Variants in ADGRL3 observed in about 807,000 individuals in gnomAD.
ADGRL3 encodes calcium-independent alpha-latrotoxin receptor 3.
Under a neutral mutation model 153.5 loss-of-function variants are expected in ADGRL3, and 62 were observed. That is an observed-to-expected ratio of 0.40 (90% CI 0.33 to 0.50). ADGRL3 has a LOEUF of 0.50. Among genes scored for constraint, ADGRL3 ranks in the 20% least tolerant of loss-of-function variants. ADGRL3 has a pLI of 0.47. For synonymous variants in ADGRL3, 710 were observed against 672.5 expected, an observed-to-expected ratio of 1.06 and a Z score of -0.86; for missense variants, 1,641 against 1,859.4, an observed-to-expected ratio of 0.88 and a Z score of 2.16.
intron 1 of ADGRL3, among the ~76,000 whole-genome samples, chr4:61,325,243 C>T (rs546290678): frequency 5.0e-4 from 76 of 152,082 alleles, no homozygotes; most frequent in Non-Finnish European, 1.0e-3. Context: ...ACCAGGGAGT[C>T]GGAAGTTGCA....
At chr4:61,364,331 CAAA>C (rs33966342) in intron 1 of ADGRL3, among the ~76,000 whole-genome samples, 8 of 128,144 alleles carry the variant, frequency 6.2e-5, no homozygotes, top group East Asian at 4.5e-4. Flanking sequence ...GACTCCGTCT[CAAA>C]AAAAAAAAAA....
intron 4 of ADGRL3, among the ~76,000 whole-genome samples, chr4:61,555,906 G>A (rs747289917): frequency 6.6e-6 from 1 of 152,140 alleles, no homozygotes; most frequent in African/African-American, 2.4e-5. Context: ...GGTCACTCTT[G>A]TGGCTAGCTT....
At chr4:61,460,187 A>G (rs1560671958) in intron 2 of ADGRL3, among the ~76,000 whole-genome samples, 1 of 151,722 alleles carries the variant, frequency 6.6e-6, no homozygotes, top group East Asian at 1.9e-4. Flanking sequence ...CTATGTTTTC[A>G]TCTAGTAATT....
chr4:61,556,344 T>G (rs1560834760), intron 4 of ADGRL3, among the ~76,000 whole-genome samples: 2 of 151,340 alleles, frequency 1.3e-5, no homozygotes, highest in Non-Finnish European at 2.9e-5. Context: ...GAACAAGGAG[T>G]ACAAAAGGCT....
intron 11 of ADGRL3, 21 bp from the exon 12 acceptor site, chr4:61,909,539 T>C (rs760631857): frequency 3.8e-6 from 6 of 1,568,314 alleles, no homozygotes; most frequent in Admixed American, 1.7e-5. Context: ...CTTTCCTTTG[T>C]ATTCCATTTA....
intron 24 of ADGRL3, among the ~76,000 whole-genome samples, chr4:62,042,849 A>G (rs943203559): frequency 3.3e-5 from 5 of 152,074 alleles, no homozygotes; most frequent in African/African-American, 4.8e-5. Context: ...CAGGCCAAGT[A>G]TTAGTATACT....
At chr4:61,807,324 A>AT (rs796462202) in intron 8 of ADGRL3, among the ~76,000 whole-genome samples, 2 of 82,382 alleles carry the variant, frequency 2.4e-5, no homozygotes, top group South Asian at 5.5e-4. Context: ...AATTGCTCTA[A>AT]TTTTTTTTAA....
At position 61,206,879 on chromosome 4, in the gene ADGRL3, G is replaced by A. The variant is rs1737473130; in HGVS notation, c.-240+5114G>A. Reference sequence around the variant, plus strand: ...TGCCTGTAGTCCCAGCTATTCGGGAGGCTTGAAGCAGGAGAATCGCTGGAA... The same window carrying A: ...TGCCTGTAGTCCCAGCTATTCGGGAAGCTTGAAGCAGGAGAATCGCTGGAA... On this transcript the variant is annotated intron_variant, in intron 1 of 26. Coordinates refer to ENST00000683033, the MANE Select transcript of ADGRL3 (RefSeq NM_001387552.1). 3.3e-5 allele frequency among the ~76,000 whole-genome samples: 5 copies of A among 152,060 alleles called. No individual in the cohort carries two copies. The South Asian group carries it at 1.0e-3, about 32-fold the overall frequency.
At chr4:61,219,871 G>T (rs1391782484) in intron 1 of ADGRL3, among the ~76,000 whole-genome samples, 1 of 152,046 alleles carries the variant, frequency 6.6e-6, no homozygotes, top group Non-Finnish European at 1.5e-5. Context: ...ACTTTCGGAG[G>T]CCAAGGCGGG....
chr4:61,899,058 C>T (rs2098648764), intron 11 of ADGRL3, among the ~76,000 whole-genome samples: 1 of 152,122 alleles, frequency 6.6e-6, no homozygotes, highest in Admixed American at 6.5e-5. Context: ...GCACAGCTGC[C>T]ACCATTCACC....
rs1453878415 is a variant in ADGRL3, at chr4:61,979,619, G to T, written c.2862G>T (p.Leu954Phe). 1 of 1,613,880 alleles carries T rather than the reference G, an allele frequency of 6.2e-7. No individual in the cohort carries two copies. The highest frequency in any genetic ancestry group is 1.3e-5 in the African/African-American group (1 of 75,008). Residue 954 changes from leucine (L) to phenylalanine (F), a missense_variant, in exon 18 of 27, where the codon TTG becomes TTT. Leu to Phe is a conservative substitution (Grantham distance 22). Transcript: ENST00000683033. ...ATGTGATCACGTGGGTTGGAATTTTGCTGTCCCTTGTTTGTCTCCTGATTT... is the reference window on the plus strand; with the variant it reads ...ATGTGATCACGTGGGTTGGAATTTTTCTGTCCCTTGTTTGTCTCCTGATTT... ...LLDVITWVGI[L>F]LSLVCLLICI...
At chr4:61,888,953 T>A (rs953430863) in intron 9 of ADGRL3, among the ~76,000 whole-genome samples, 2 of 152,160 alleles carry the variant, frequency 1.3e-5, no homozygotes, top group African/African-American at 4.8e-5. Flanking sequence ...ATTTAAGAAA[T>A]AATTTTTTCA....
intron 2 of ADGRL3, among the ~76,000 whole-genome samples, chr4:61,393,819 AT>A (rs1299893004): frequency 6.6e-6 from 1 of 152,166 alleles, no homozygotes; most frequent in Non-Finnish European, 1.5e-5. Flanking sequence ...TTACTTTAAA[AT>A]AAATCATTTA....
chr4:61,618,019 GAGAGTCTAGT>G (rs1362727547), intron 5 of ADGRL3, among the ~76,000 whole-genome samples: 1 of 152,156 alleles, frequency 6.6e-6, no homozygotes, highest in African/African-American at 2.4e-5. Context: ...ACATTTGAGA[GAGAGTCTAGT>G]GGGGGATAAA....
rs772198288 is a variant in ADGRL3 at position 61,912,705 on chromosome 4, C to T, written c.2074-14C>T. On this transcript the variant is annotated splice_polypyrimidine_tract_variant and intron_variant, in intron 12 of 26. Transcript: ENST00000683033. The stretch of plus-strand genomic sequence containing the variant: ...TTCTATTCTGTGTTTAATCTGCTGT[C>T]TTAATGGATTCAGCTTCAGAAAAGA... 6.2e-7 allele frequency: 1 copy of T among 1,612,504 alleles called. No individual in the cohort carries two copies. Among genetic ancestry groups the T allele is most frequent in the Non-Finnish European group, 8.5e-7 (1 of 1,178,856 alleles).
At chr4:61,521,851 G>A (rs546307004) in intron 4 of ADGRL3, among the ~76,000 whole-genome samples, 1 of 152,008 alleles carries the variant, frequency 6.6e-6, no homozygotes, top group Admixed American at 6.6e-5. Context: ...CCAACTTTCT[G>A]GCCCCAAATT....
intron 21 of ADGRL3, among the ~76,000 whole-genome samples, chr4:62,027,073 G>A (rs1033864196): frequency 2.6e-5 from 4 of 151,908 alleles, no homozygotes; most frequent in Admixed American, 6.6e-5. Context: ...TATTCGAATC[G>A]TGAACAGGAC....
chr4:61,215,799 G>A (rs1398933412), intron 1 of ADGRL3, among the ~76,000 whole-genome samples: 5 of 151,648 alleles, frequency 3.3e-5, no homozygotes, highest in Admixed American at 2.0e-4. Context: ...TGATCCATCC[G>A]CCTCGGCCTC....
intron 8 of ADGRL3, among the ~76,000 whole-genome samples, chr4:61,739,723 C>T (rs918742156): frequency 2.0e-5 from 3 of 152,172 alleles, no homozygotes; most frequent in Non-Finnish European, 2.9e-5. Flanking sequence ...TCACTCCCCC[C>T]ACCCTGTACC....
Sources: gnomAD v4.1 joint callset for allele counts (sites outside exome capture counted in the v4.1 genomes callset) on GRCh38, gnomAD v4.1.1 for gene constraint, MANE v1.5 for transcripts, NCBI Gene and HGNC (gene_info 2026-07-23, HGNC 2026-07-21) for gene names.